Variants in MYO18B observed in about 807,000 individuals in gnomAD.
MYO18B encodes the protein myosin XVIIIB.
In MYO18B, 204 loss-of-function variants were observed where a neutral mutation model predicts 273.0. That is an observed-to-expected ratio of 0.75 (90% CI 0.67 to 0.84). MYO18B has a LOEUF of 0.84. MYO18B is among the 40% of genes least tolerant of loss of function. MYO18B has a pLI of 0.00. For missense variants in MYO18B, 3,212 were observed against 3,287.6 expected (o/e 0.98, Z 0.56); for synonymous variants, 1,330 against 1,305.7 (o/e 1.02, Z -0.40).
chr22:25,975,984 T>G (rs1181245583), intron 39 of MYO18B, among the ~76,000 whole-genome samples: 4 of 152,218 alleles, frequency 2.6e-5, no homozygotes, highest in Non-Finnish European at 5.9e-5. Context: ...AGTCCATTTC[T>G]TTCAAAAATA....
intron 1 of MYO18B, among the ~76,000 whole-genome samples, chr22:25,748,781 T>C (rs1385805115): frequency 6.6e-6 from 1 of 152,230 alleles, no homozygotes; most frequent in East Asian, 1.9e-4. Context: ...TTCATGTGTA[T>C]TGTTGTGAGC....
chr22:26,060,670 C>A, the MYO18B span, among the ~76,000 whole-genome samples: 1 of 152,152 alleles, frequency 6.6e-6, no homozygotes, highest in African/African-American at 2.4e-5. Context: ...TACATACGCA[C>A]ACATGCACAC....
intron 39 of MYO18B, among the ~76,000 whole-genome samples, chr22:25,969,789 G>C (rs2093017157): frequency 6.6e-6 from 1 of 152,194 alleles, no homozygotes; most frequent in Admixed American, 6.5e-5. Context: ...CACTTTCTCT[G>C]TTTCCCTGTT....
chr22:25,842,672 CAAAAA>C (rs695584), intron 17 of MYO18B, among the ~76,000 whole-genome samples: 3 of 64,582 alleles, frequency 4.6e-5, no homozygotes, highest in South Asian at 1.1e-3. Flanking sequence ...AACTCCGTCT[CAAAAA>C]AAAAAAAAAA....
chr22:25,961,295 A>C (rs1449986861), intron 39 of MYO18B, among the ~76,000 whole-genome samples: 2 of 152,064 alleles, frequency 1.3e-5, no homozygotes, highest in African/African-American at 4.8e-5. Flanking sequence ...TTGCCTTCAG[A>C]ACAAAGTTCA....
intron 42 of MYO18B, among the ~76,000 whole-genome samples, chr22:26,017,356 C>T (rs983040023): frequency 4.6e-5 from 7 of 151,456 alleles, no homozygotes; most frequent in African/African-American, 1.5e-4. Flanking sequence ...TCCTTCCTTC[C>T]TTCCTCCCTT....
In MYO18B at chr22:25,851,457, C is replaced by G; in HGVS notation, c.3776-13C>G. ...ACTCTGTGCTCTTCTCCTGCCTGCT[C>G]CTACCTCCCTAGGCTATGCTGACCA... On this transcript the variant is annotated splice_polypyrimidine_tract_variant and intron_variant, in intron 20 of 43. Coordinates refer to ENST00000335473, the MANE Select transcript of MYO18B (RefSeq NM_032608.7). 1.9e-6 allele frequency: 3 copies of G among 1,541,662 alleles called. No individual in the cohort carries two copies. Among genetic ancestry groups the G allele is most frequent in the Non-Finnish European group, 2.6e-6 (3 of 1,137,770 alleles).
At chr22:25,908,223 C>A in intron 31 of MYO18B, 99 bp from the exon 32 acceptor site, 1 of 937,500 alleles carries the variant, frequency 1.1e-6, no homozygotes, top group Non-Finnish European at 1.7e-6. Flanking sequence ...TTTATGTATT[C>A]CAAAAATGAG....
At chr22:25,978,840 TCTA>T (rs1281391804) in intron 39 of MYO18B, among the ~76,000 whole-genome samples, 8 of 151,946 alleles carry the variant, frequency 5.3e-5, no homozygotes, top group African/African-American at 1.9e-4. Context: ...TATTGTCCCA[TCTA>T]CTCGGGTGGC....
chr22:25,890,895 C>T lies in MYO18B; in HGVS notation c.4434+20C>T. ...CTCAAGGTGAGTGGTCAGGGGTGGC[C>T]AGGGGTGGCTGAACACGGTGGCTAA... On this transcript the variant is annotated intron_variant, in intron 26 of 43. Coordinates refer to ENST00000335473, the MANE Select transcript of MYO18B (RefSeq NM_032608.7). 5 of 1,543,842 alleles carry T rather than the reference C, an allele frequency of 3.2e-6. No individual in the cohort carries two copies. Among genetic ancestry groups the T allele is most frequent in the Non-Finnish European group, 3.6e-6 (4 of 1,125,926 alleles).
intron 39 of MYO18B, among the ~76,000 whole-genome samples, chr22:25,985,414 T>G (rs1042825543): frequency 2.0e-5 from 3 of 152,092 alleles, no homozygotes; most frequent in Non-Finnish European, 2.9e-5. Context: ...GCAATGAATC[T>G]TCAGGATAAT....
chr22:25,841,821 G>A (rs1466353755), intron 17 of MYO18B, among the ~76,000 whole-genome samples: 1 of 152,236 alleles, frequency 6.6e-6, no homozygotes, highest in Non-Finnish European at 1.5e-5. Flanking sequence ...TTCTAGGACA[G>A]TGGAAGGAGG....
chr22:25,935,378 C>T (rs144807192), intron 34 of MYO18B, among the ~76,000 whole-genome samples: 11 of 152,276 alleles, frequency 7.2e-5, no homozygotes, highest in Admixed American at 7.2e-4. Flanking sequence ...ATGCCTTAGG[C>T]ATGCCCTCCT....
chr22:26,046,738 C>A, the MYO18B span, among the ~76,000 whole-genome samples: 1 of 152,326 alleles, frequency 6.6e-6, no homozygotes, highest in Non-Finnish European at 1.5e-5. Context: ...AGAATTCTTC[C>A]GTGGCTCCCT....
intron 18 of MYO18B, among the ~76,000 whole-genome samples, chr22:25,845,241 G>T (rs983224448): frequency 6.6e-6 from 1 of 152,192 alleles, no homozygotes. Flanking sequence ...ACCCTTGGCC[G>T]GGCGCGGTGG....
chr22:26,018,301 G>T (rs1365093053), intron 42 of MYO18B, among the ~76,000 whole-genome samples: 2 of 152,086 alleles, frequency 1.3e-5, no homozygotes, highest in East Asian at 3.9e-4. Flanking sequence ...TCTGTTTCCT[G>T]ACTCTATTCC....
rs7291290 is a variant in MYO18B at position 25,846,072 on chromosome 22, C to T, written c.3369-28C>T. On this transcript the variant is annotated intron_variant, in intron 18 of 43. Coordinates refer to ENST00000335473, the MANE Select transcript of MYO18B (RefSeq NM_032608.7). ...GCTTTCCCAAGAACCTCCTAAAGCTCCTCTCTCTTTTCCCTCCTCCCCACC... is the reference window on the plus strand; with the variant it reads ...GCTTTCCCAAGAACCTCCTAAAGCTTCTCTCTCTTTTCCCTCCTCCCCACC... 6.6e-4 allele frequency: 986 copies of T among 1,488,992 alleles called. 5 individuals carry two copies. The African/African-American group carries it at 0.013, about 19-fold the overall frequency. The allele number at this position is 1,488,992 out of a possible 1,614,324, so 92.2% of individuals were successfully genotyped here.
intron 21 of MYO18B, among the ~76,000 whole-genome samples, chr22:25,853,901 C>T (rs1053121313): frequency 6.6e-6 from 1 of 152,126 alleles, no homozygotes; most frequent in Non-Finnish European, 1.5e-5. Context: ...CGAAAAGAAA[C>T]ATCATCCTGC....
At chr22:25,785,649 C>T (rs146797317) in intron 11 of MYO18B, among the ~76,000 whole-genome samples, 158 bp downstream of exon 11, 112 of 152,094 alleles carry the variant, frequency 7.4e-4, no homozygotes, top group African/African-American at 2.6e-3. Flanking sequence ...TGTAGGGTCT[C>T]GGCTTATTGG....
Sources: gnomAD v4.1 joint callset for allele counts (sites outside exome capture counted in the v4.1 genomes callset) on GRCh38, gnomAD v4.1.1 for gene constraint, MANE v1.5 for transcripts, NCBI Gene and HGNC (gene_info 2026-07-23, HGNC 2026-07-21) for gene names.